Variants in TBL1XR1 observed in about 807,000 individuals in gnomAD.
TBL1XR1 encodes the protein TBL1X/Y related 1.
In TBL1XR1, 5 loss-of-function variants were observed where a neutral mutation model predicts 66.9. The ratio of observed to expected loss-of-function variants is 0.07; its 90% CI spans 0.04 to 0.16. TBL1XR1 has a LOEUF of 0.16. Ranked by LOEUF, TBL1XR1 falls within the 10% of genes least tolerant of loss-of-function variation. TBL1XR1 has a pLI of 1.00. For synonymous variants in TBL1XR1, 210 were observed against 206.0 expected, an observed-to-expected ratio of 1.02 and a Z score of -0.17; for missense variants, 238 against 623.2, an observed-to-expected ratio of 0.38 and a Z score of 6.58.
chr3:177,107,320 G>A (rs1010947040), intron 1 of TBL1XR1, among the ~76,000 whole-genome samples: 9 of 152,098 alleles, frequency 5.9e-5, no homozygotes, highest in Admixed American at 2.0e-4. Flanking sequence ...ACAGATTCAC[G>A]TGAAAAAAAG....
At chr3:177,126,406 G>A (rs558948989) in intron 1 of TBL1XR1, among the ~76,000 whole-genome samples, 10 of 152,202 alleles carry the variant, frequency 6.6e-5, no homozygotes, top group East Asian at 5.8e-4. Context: ...GTTAAACATC[G>A]GTTATGTAAT....
At chr3:177,161,051 A>G (rs1479841064) in intron 1 of TBL1XR1, 1 of 152,180 alleles carries the variant, frequency 6.6e-6, no homozygotes, top group Non-Finnish European at 1.5e-5. Flanking sequence ...AAAAATTTAT[A>G]TCAAGTACTA....
intron 14 of TBL1XR1, 161 bp from the exon 15 acceptor site, chr3:177,026,635 T>A (rs1713165128): frequency 3.6e-6 from 2 of 557,672 alleles, no homozygotes; most frequent in East Asian, 6.4e-5. Context: ...TGTAATATGA[T>A]CCCTTTACAA....
chr3:177,108,205 T>C (rs1458470154), intron 1 of TBL1XR1, among the ~76,000 whole-genome samples: 1 of 152,156 alleles, frequency 6.6e-6, no homozygotes, highest in Non-Finnish European at 1.5e-5. Context: ...AAACACTTAC[T>C]ATTTAAACAC....
At chr3:177,069,802 AAGGAAGGAAGGAAGG>A (rs1560139003) in intron 2 of TBL1XR1, among the ~76,000 whole-genome samples, 2 of 64,882 alleles carry the variant, frequency 3.1e-5, no homozygotes, top group East Asian at 8.9e-4. Context: ...GAAAGGAAGG[AAGGAAGGAAGGAAGG>A]AAGGAAGGAA....
intron 1 of TBL1XR1, among the ~76,000 whole-genome samples, chr3:177,155,675 GA>G (rs755272071): frequency 6.0e-5 from 9 of 150,924 alleles, no homozygotes; most frequent in Non-Finnish European, 8.9e-5. Context: ...TAGTCACATA[GA>G]AAAAAAAATG....
chr3:177,105,777 C>T (rs957072158), intron 1 of TBL1XR1, among the ~76,000 whole-genome samples: 1 of 151,750 alleles, frequency 6.6e-6, no homozygotes, highest in East Asian at 1.9e-4. Context: ...CCACCCACCC[C>T]GTGTCAGTGT....
At chr3:177,142,128 A>G (rs1729703664) in intron 1 of TBL1XR1, among the ~76,000 whole-genome samples, 1 of 152,196 alleles carries the variant, frequency 6.6e-6, no homozygotes, top group Admixed American at 6.5e-5. Flanking sequence ...ATTGTAGTGC[A>G]GGGTAGACAA....
At chr3:177,184,740 G>A (rs1426681706) in intron 1 of TBL1XR1, among the ~76,000 whole-genome samples, 2 of 151,744 alleles carry the variant, frequency 1.3e-5, no homozygotes, top group East Asian at 1.9e-4. Flanking sequence ...GGCAGAGGCT[G>A]CAGTAAGCCG....
At chr3:177,087,486 G>A (rs1722292110) in intron 2 of TBL1XR1, among the ~76,000 whole-genome samples, 1 of 152,042 alleles carries the variant, frequency 6.6e-6, no homozygotes, top group Non-Finnish European at 1.5e-5. Context: ...ACAGGTGCTA[G>A]TAAATCATAG....
chr3:177,196,813 C>T (rs892377556), intron 1 of TBL1XR1, among the ~76,000 whole-genome samples: 12 of 151,624 alleles, frequency 7.9e-5, no homozygotes, highest in Admixed American at 5.9e-4. Context: ...CCGAGGTGCA[C>T]ATTTTCGGGG....
intron 2 of TBL1XR1, among the ~76,000 whole-genome samples, chr3:177,081,127 G>A (rs1321830520): frequency 1.3e-5 from 2 of 152,152 alleles, no homozygotes; most frequent in Non-Finnish European, 2.9e-5. Flanking sequence ...CCACTACTTA[G>A]TCATTTGAAC....
chr3:177,172,649 A>AGAGAGAGAGAG (rs1560260437), intron 1 of TBL1XR1, among the ~76,000 whole-genome samples: 3 of 48,638 alleles, frequency 6.2e-5, no homozygotes, highest in African/African-American at 1.5e-4. Flanking sequence ...GAGAGAGAGA[A>AGAGAGAGAGAG]AGAGAGAGAG....
intron 1 of TBL1XR1, among the ~76,000 whole-genome samples, chr3:177,145,883 G>C (rs1730179903): frequency 2.0e-5 from 3 of 152,224 alleles, no homozygotes; most frequent in Admixed American, 2.0e-4. Context: ...GCCATGACAG[G>C]TGGAGTTGCA....
chr3:177,140,635 C>G (rs1729525420), intron 1 of TBL1XR1, among the ~76,000 whole-genome samples: 1 of 152,092 alleles, frequency 6.6e-6, no homozygotes, highest in African/African-American at 2.4e-5. Context: ...TGAGTATGAA[C>G]CAGAAGTAAC....
rs550320099 is a variant in TBL1XR1 at position 177,084,950 on chromosome 3, T to C, written c.-46+13516A>G. ...AGCCACTACTCCATTTGTGGAATTA[T>C]AACTCTCTACTATTCTTCTGAGCAC... On this transcript the variant is annotated intron_variant, in intron 2 of 15. Coordinates refer to ENST00000457928, the MANE Select transcript of TBL1XR1 (RefSeq NM_024665.7). 9.2e-5 allele frequency among the ~76,000 whole-genome samples: 14 copies of C among 152,390 alleles called. No individual in the cohort carries two copies. In the East Asian group the frequency reaches 2.7e-3, roughly 29 times the overall value.
At chr3:177,177,017 G>C (rs1300912008) in intron 1 of TBL1XR1, among the ~76,000 whole-genome samples, 1 of 152,114 alleles carries the variant, frequency 6.6e-6, no homozygotes, top group Admixed American at 6.5e-5. Flanking sequence ...TGTTGACAGA[G>C]ATTACTGGTA....
At chr3:177,040,783 T>C (rs1715476184) in intron 10 of TBL1XR1, among the ~76,000 whole-genome samples, 1 of 152,106 alleles carries the variant, frequency 6.6e-6, no homozygotes, top group Non-Finnish European at 1.5e-5. Context: ...GACCAGACAT[T>C]AAAATAATTA....
chr3:177,197,334 G>A lies in TBL1XR1; in HGVS notation c.-335C>T, dbSNP rs1027960523. 2.7e-5 allele frequency: 4 copies of A among 146,946 alleles called. No homozygotes were observed. Among genetic ancestry groups the A allele is most frequent in the East Asian group, 2.0e-4 (1 of 4,958 alleles). The allele number at this position is 146,946 out of a possible 1,614,324, so 9.1% of individuals were successfully genotyped here. On this transcript the variant is annotated 5_prime_UTR_variant, in exon 1 of 16. Transcript: ENST00000457928. ...AGCGCGGCGCGGGTCCCCAGGTGGC[G>A]AGCGGAGGTGCTCCCGCCGCGGGGG...
Sources: gnomAD v4.1 joint callset for allele counts (sites outside exome capture counted in the v4.1 genomes callset) on GRCh38, gnomAD v4.1.1 for gene constraint, MANE v1.5 for transcripts, NCBI Gene and HGNC (gene_info 2026-07-23, HGNC 2026-07-21) for gene names.